The following RNF38 variants were observed in gnomAD, a reference collection of about 807,000 sequenced individuals.
The protein encoded by RNF38 is ring finger protein 38.
In RNF38, 15 loss-of-function variants were observed where a neutral mutation model predicts 67.2. That is an observed-to-expected ratio of 0.22 (90% CI 0.15 to 0.34). The LOEUF (loss-of-function observed/expected upper bound fraction) is 0.34, where lower values mean the gene tolerates loss of function less well. RNF38 is among the 10% of genes least tolerant of loss of function. The pLI, the probability that RNF38 is intolerant of heterozygous loss-of-function variation, is 1.00. For missense variants in RNF38, 524 were observed against 639.9 expected, an observed-to-expected ratio of 0.82 and a Z score of 1.95; for synonymous variants, 220 against 218.8, an observed-to-expected ratio of 1.01 and a Z score of -0.05.
chr9:36,354,972 T>C (rs1833991314), intron 6 of RNF38, among the ~76,000 whole-genome samples: 1 of 152,232 alleles, frequency 6.6e-6, no homozygotes, highest in South Asian at 2.1e-4. Flanking sequence ...TTTAAAAGAA[T>C]TCCAAATTTA....
chr9:36,483,390 A>C (rs990437593), intron 1 of RNF38, among the ~76,000 whole-genome samples: 1 of 150,108 alleles, frequency 6.7e-6, no homozygotes. Flanking sequence ...CTGTCTCAAA[A>C]AAAAAGAAAA....
intron 10 of RNF38, among the ~76,000 whole-genome samples, chr9:36,344,576 C>A (rs1833081747): frequency 6.6e-6 from 1 of 152,208 alleles, no homozygotes; most frequent in Non-Finnish European, 1.5e-5. Flanking sequence ...TACCACCCAA[C>A]ACAGCAGCTA....
chr9:36,352,809 T>C lies in RNF38; in HGVS notation c.1111A>G (p.Ser371Gly). 1.9e-6 allele frequency: 3 copies of C among 1,614,078 alleles called. No homozygotes were observed. Among genetic ancestry groups the C allele is most frequent in the Non-Finnish European group, 2.5e-6 (3 of 1,179,992 alleles). Residue 371 changes from serine to glycine, a missense_variant, in exon 8 of 12, where the codon AGT (serine) becomes GGT (glycine). Physicochemically the swap from Ser to Gly is moderately conservative, Grantham distance 56. This residue lies in a region of RNF38 where 461 missense variants were observed against 517.4 expected (regional missense o/e 0.89). Coordinates refer to ENST00000259605, the MANE Select transcript of RNF38 (RefSeq NM_022781.5). ...ATTGGCTGCTGGGATCGGTATCTAC[T>C]ACGTCCTGTAAGCCTCCGAGGCATA... ...PFMPRRLTGR[S>G]RYRSQQPIPP...
rs539158692 is a variant in RNF38, at chr9:36,473,458, C to T, written n.241+13850G>A. On this transcript the variant is annotated intron_variant and non_coding_transcript_variant, in intron 1 of 3. Transcript: ENST00000488058. Reference sequence around the variant, plus strand: ...AAAAAATTAGCCAGGCATGGTGGTGCGCACCTGTAATCCCAGCTACTTGGG... The same window carrying T: ...AAAAAATTAGCCAGGCATGGTGGTGTGCACCTGTAATCCCAGCTACTTGGG... Among the ~76,000 whole-genome samples the T allele has an allele frequency of 1.5e-4, 23 of 151,778 alleles. No homozygotes were observed. The East Asian group carries it at 3.5e-3, about 23-fold the overall frequency.
At chr9:36,454,613 T>G (rs549946205) in intron 1 of RNF38, among the ~76,000 whole-genome samples, 1 of 142,528 alleles carries the variant, frequency 7.0e-6, no homozygotes, top group Admixed American at 7.0e-5. Context: ...GACGGAGTCT[T>G]ACTCTGTCGC....
intron 1 of RNF38, among the ~76,000 whole-genome samples, chr9:36,454,083 T>C (rs1200089281): frequency 6.6e-6 from 1 of 152,138 alleles, no homozygotes; most frequent in Non-Finnish European, 1.5e-5. Flanking sequence ...ATAACAAATA[T>C]TAAAATGTAC....
At chr9:36,383,030 CAAG>C (rs1251544590) in intron 2 of RNF38, among the ~76,000 whole-genome samples, 2 of 152,058 alleles carry the variant, frequency 1.3e-5, no homozygotes, top group Admixed American at 6.5e-5. Context: ...AAAAATAAGA[CAAG>C]ATCCTTTTTT....
upstream of RNF38, among the ~76,000 whole-genome samples, chr9:36,406,097 A>T (rs895725476): frequency 8.5e-5 from 13 of 152,194 alleles, no homozygotes; most frequent in African/African-American, 3.1e-4. Context: ...CTCCTGTTAA[A>T]CTGTAAGCTC....
chr9:36,344,867 C>A lies in RNF38; in HGVS notation c.1350G>T (p.Arg450=). 6.2e-7 allele frequency: 1 copy of A among 1,614,012 alleles called. No individual in the cohort carries two copies. The highest frequency in any genetic ancestry group is 1.7e-4 in the Middle Eastern group (1 of 6,060). The change falls in exon 10 of 12, where the codon CGG becomes CGT. Residue 450 remains arginine, a synonymous_variant. Coordinates refer to ENST00000259605, the MANE Select transcript of RNF38 (RefSeq NM_022781.5). ...CTGACTGGTGGTTGTTAGGATTGAACCGATAAGAAGGAAGTTGTTCAATAT... is the reference window on the plus strand; with the variant it reads ...CTGACTGGTGGTTGTTAGGATTGAAACGATAAGAAGGAAGTTGTTCAATAT... ...KADIEQLPSY[R]FNPNNHQSEQ...
At chr9:36,415,529 T>C (rs1838441487) in intron 2 of RNF38, among the ~76,000 whole-genome samples, 1 of 152,216 alleles carries the variant, frequency 6.6e-6, no homozygotes, top group East Asian at 1.9e-4. Flanking sequence ...GACATGGTGC[T>C]CTCCCCCTTC....
intron 4 of RNF38, among the ~76,000 whole-genome samples, chr9:36,362,565 A>G (rs1456400391): frequency 6.6e-6 from 1 of 151,890 alleles, no homozygotes; most frequent in African/African-American, 2.4e-5. Flanking sequence ...GACCCCCTCC[A>G]AGGACCCTTT....
chr9:36,418,327 C>A (rs936822068), intron 2 of RNF38, among the ~76,000 whole-genome samples: 1 of 151,598 alleles, frequency 6.6e-6, no homozygotes, highest in Non-Finnish European at 1.5e-5. Context: ...TGAGCCACTG[C>A]GCCTGGCCAA....
intron 1 of RNF38, among the ~76,000 whole-genome samples, chr9:36,460,196 G>A (rs1000508776): frequency 6.6e-6 from 1 of 152,018 alleles, no homozygotes; most frequent in Non-Finnish European, 1.5e-5. Context: ...AAGACGTTGA[G>A]GATTAAAAAC....
At chr9:36,380,348 C>T (rs1241466890) in intron 2 of RNF38, among the ~76,000 whole-genome samples, 1 of 151,980 alleles carries the variant, frequency 6.6e-6, no homozygotes, top group Non-Finnish European at 1.5e-5. Context: ...TACAGGCATG[C>T]GCCACCACAC....
intron 2 of RNF38, among the ~76,000 whole-genome samples, chr9:36,379,980 T>TA (rs745556438): frequency 3.9e-5 from 6 of 152,182 alleles, no homozygotes; most frequent in Non-Finnish European, 7.4e-5. Context: ...CTGCAATGAC[T>TA]AAATATATGG....
intron 2 of RNF38, among the ~76,000 whole-genome samples, chr9:36,386,063 G>A (rs1836609973): frequency 6.6e-6 from 1 of 152,052 alleles, no homozygotes; most frequent in Non-Finnish European, 1.5e-5. Flanking sequence ...ATTTATCGTT[G>A]GTAAAAATGT....
rs1267958726 is a variant in RNF38, at chr9:36,338,629, G to GA, written c.*1122dup. The GA allele has an allele frequency of 6.6e-6, 1 of 152,330 alleles. No individual in the cohort carries two copies. The allele number at this position is 152,330 out of a possible 1,614,324, so 9.4% of individuals were successfully genotyped here. A position where few individuals can be genotyped will look rare whatever the true frequency, so the allele number is the denominator to read the frequency against. On this transcript the variant is annotated 3_prime_UTR_variant, in exon 12 of 12. Coordinates refer to ENST00000259605, the MANE Select transcript of RNF38 (RefSeq NM_022781.5). ...GAGCTTGAACACAGAACACATATGAGAAGTCAAGCTGAATTAACAGGTTTT... is the reference window on the plus strand; with the variant it reads ...GAGCTTGAACACAGAACACATATGAGAAAGTCAAGCTGAATTAACAGGTTTT...
At chr9:36,472,149 A>C (rs766812985) in intron 1 of RNF38, among the ~76,000 whole-genome samples, 3 of 152,260 alleles carry the variant, frequency 2.0e-5, no homozygotes, top group Non-Finnish European at 4.4e-5. Context: ...GACAGTCAAC[A>C]ATGTCTTAAG....
intron 1 of RNF38, among the ~76,000 whole-genome samples, chr9:36,456,092 C>G (rs1160429601): frequency 2.8e-4 from 43 of 151,860 alleles, no homozygotes; most frequent in Non-Finnish European, 8.8e-5. Flanking sequence ...TTTTTTGAGA[C>G]AGAGTCTCGT....
Sources: allele counts gnomAD v4.1 joint callset (sites outside exome capture counted in the v4.1 genomes callset), GRCh38; gene constraint gnomAD v4.1.1; regional missense constraint gnomAD v4.1.1; transcripts MANE v1.5; gene names NCBI Gene and HGNC (gene_info 2026-07-23, HGNC 2026-07-21).